Variants in DOCK8 observed in about 807,000 individuals in gnomAD.
DOCK8 encodes dedicator of cytokinesis 8, also known as dedicator of cytokinesis protein 8.
In DOCK8, 141 loss-of-function variants were observed where a neutral mutation model predicts 245.6. That is an observed-to-expected ratio of 0.57 (90% CI 0.50 to 0.66). DOCK8 has a LOEUF of 0.66. Among genes scored for constraint, DOCK8 ranks in the 30% least tolerant of loss-of-function variants. The pLI is 0.00. For synonymous variants in DOCK8, 1,168 were observed against 970.2 expected, an observed-to-expected ratio of 1.20 and a Z score of -3.79; for missense variants, 2,965 against 2,603.4, an observed-to-expected ratio of 1.14 and a Z score of -3.02.
At chr9:390,655 C>T in intron 24 of DOCK8, 89 bp downstream of exon 24, 3 of 1,293,014 alleles carry the variant, frequency 2.3e-6, no homozygotes, top group Middle Eastern at 1.8e-4. Flanking sequence ...ACTGAGTTGC[C>T]CCTGCTGAAA....
At chr9:316,951 G>T in intron 6 of DOCK8, 92 bp from the exon 7 acceptor site, 2 of 1,001,808 alleles carry the variant, frequency 2.0e-6, no homozygotes, top group South Asian at 1.3e-5. Flanking sequence ...AACTTGAGCC[G>T]TGGAGGGTAG....
At chr9:220,455 A>ACAAGC (rs2046855639) in intron 1 of DOCK8, among the ~76,000 whole-genome samples, 1 of 152,174 alleles carries the variant, frequency 6.6e-6, no homozygotes, top group Non-Finnish European at 1.5e-5. Flanking sequence ...TCAGGGGACC[A>ACAAGC]AGTCTCCCAT....
chr9:346,075 C>G (rs2051869880), intron 14 of DOCK8, among the ~76,000 whole-genome samples: 1 of 151,890 alleles, frequency 6.6e-6, no homozygotes, highest in African/African-American at 2.4e-5. Context: ...GGAGCTAGAG[C>G]AGGGTCCTCT....
At chr9:218,150 A>C (rs1408894904) in intron 1 of DOCK8, among the ~76,000 whole-genome samples, 1 of 152,166 alleles carries the variant, frequency 6.6e-6, no homozygotes, top group African/African-American at 2.4e-5. Flanking sequence ...AAATAGGTCA[A>C]ATTCCAAAAG....
chr9:232,505 G>A (rs1015939506), intron 1 of DOCK8, among the ~76,000 whole-genome samples: 2 of 152,124 alleles, frequency 1.3e-5, no homozygotes, highest in Non-Finnish European at 2.9e-5. Context: ...GGTAGAATTT[G>A]GCTGTGAATC....
chr9:299,016 C>G (rs2049404536), intron 4 of DOCK8, among the ~76,000 whole-genome samples: 2 of 151,982 alleles, frequency 1.3e-5, no homozygotes, highest in Admixed American at 1.3e-4. Flanking sequence ...AATTTTTCCC[C>G]CTAAAATTGG....
intron 6 of DOCK8, among the ~76,000 whole-genome samples, chr9:313,383 T>C (rs911213995): frequency 3.9e-5 from 6 of 152,232 alleles, no homozygotes; most frequent in African/African-American, 9.6e-5. Flanking sequence ...AACTTAATGA[T>C]TGGGGTCCTG....
intron 1 of DOCK8, among the ~76,000 whole-genome samples, chr9:265,705 C>A (rs1048238978): frequency 6.6e-6 from 1 of 152,120 alleles, no homozygotes; most frequent in Admixed American, 6.5e-5. Context: ...CCTTGAGGGT[C>A]AAAAGCCAGG....
intron 1 of DOCK8, among the ~76,000 whole-genome samples, chr9:230,913 C>G (rs1457291826): frequency 1.3e-5 from 2 of 151,942 alleles, no homozygotes; most frequent in African/African-American, 4.8e-5. Flanking sequence ...GAATTAGATC[C>G]CATTTGTCAA....
intron 5 of DOCK8, among the ~76,000 whole-genome samples, chr9:309,318 A>T (rs1465850905): frequency 2.6e-5 from 4 of 152,178 alleles, no homozygotes; most frequent in Admixed American, 2.6e-4. Flanking sequence ...TTTCTAGCAC[A>T]TTCAGTTTGG....
chr9:282,050 C>T (rs2048611254), intron 2 of DOCK8, among the ~76,000 whole-genome samples: 2 of 152,166 alleles, frequency 1.3e-5, no homozygotes, highest in South Asian at 4.1e-4. Context: ...GTGTGTTGCC[C>T]TTGGCACATT....
intron 1 of DOCK8, among the ~76,000 whole-genome samples, chr9:238,247 A>C (rs570039606): frequency 6.6e-6 from 1 of 152,212 alleles, no homozygotes; most frequent in African/African-American, 2.4e-5. Context: ...TCCCAGCTCC[A>C]CTGATTCCCA....
At chr9:299,982 A>G (rs112768986) in intron 4 of DOCK8, among the ~76,000 whole-genome samples, 4,334 of 150,416 alleles carry the variant, frequency 0.029, 99 homozygotes, top group South Asian at 0.057. Context: ...AGATCGTGCC[A>G]CTGCACTCCA....
At chr9:212,122 G>T (rs554449360), upstream of DOCK8, among the ~76,000 whole-genome samples, 22 of 152,238 alleles carry the variant, frequency 1.4e-4, no homozygotes, top group Non-Finnish European at 2.6e-4. Context: ...GGTATGTGTG[G>T]GGGGGTTAAT....
At chr9:351,890 T>G (rs552951274) in intron 14 of DOCK8, among the ~76,000 whole-genome samples, 2 of 152,220 alleles carry the variant, frequency 1.3e-5, no homozygotes, top group African/African-American at 4.8e-5. Context: ...TGTAGAACTT[T>G]CCCTGAAGTC....
chr9:374,467 T>TG (rs1460522114), intron 18 of DOCK8, among the ~76,000 whole-genome samples: 2 of 143,580 alleles, frequency 1.4e-5, no homozygotes, highest in Admixed American at 6.9e-5. Context: ...TTTTTTTTTT[T>TG]TTTTTTTTTT....
chr9:378,570 C>G (rs543352499), intron 20 of DOCK8, among the ~76,000 whole-genome samples: 43 of 152,372 alleles, frequency 2.8e-4, no homozygotes, highest in Admixed American at 5.9e-4. Context: ...CAGCTAGATT[C>G]TTGCAGAGCT....
intron 9 of DOCK8, among the ~76,000 whole-genome samples, chr9:330,052 G>A (rs897453731): frequency 1.3e-5 from 2 of 152,180 alleles, no homozygotes; most frequent in Non-Finnish European, 2.9e-5. Flanking sequence ...TTTGGTAAGA[G>A]GGGCTTCTTT....
chr9:313,613 A>C (rs1420896607), intron 6 of DOCK8, among the ~76,000 whole-genome samples: 2 of 152,194 alleles, frequency 1.3e-5, no homozygotes, highest in Non-Finnish European at 2.9e-5. Context: ...GGCTGTGGGG[A>C]GAGGGAGAAG....
Sources: allele counts gnomAD v4.1 joint callset (sites outside exome capture counted in the v4.1 genomes callset), GRCh38; gene constraint gnomAD v4.1.1; transcripts MANE v1.5; gene names NCBI Gene and HGNC (gene_info 2026-07-23, HGNC 2026-07-21).